ALOXE3: variants seen among roughly 807,000 people sequenced by gnomAD.
ALOXE3 encodes the protein arachidonate epidermal lipoxygenase 3, also known as hydroperoxide isomerase ALOXE3.
ALOXE3 carries 78 observed loss-of-function variants against 87.5 expected under a neutral mutation model. That is an observed-to-expected ratio of 0.89 (90% CI 0.74 to 1.08). The LOEUF is 1.08. Among genes scored for constraint, ALOXE3 ranks in the 50% least tolerant of loss-of-function variants. ALOXE3 has a pLI of 0.00. For missense variants in ALOXE3, 946 were observed against 912.4 expected, an observed-to-expected ratio of 1.04 and a Z score of -0.47; for synonymous variants, 363 against 370.8, an observed-to-expected ratio of 0.98 and a Z score of 0.24.
intron 4 of ALOXE3, 152 bp from the exon 5 acceptor site, chr17:8,115,209 G>A: frequency 1.8e-6 from 2 of 1,106,798 alleles, no homozygotes; most frequent in Non-Finnish European, 2.7e-6. Context: ...GAAAGCACTG[G>A]CTTCACATAG....
intron 6 of ALOXE3, 149 bp from the exon 7 acceptor site, chr17:8,112,345 CGGTG>C (rs1471056521): frequency 7.6e-6 from 5 of 655,612 alleles, no homozygotes; most frequent in African/African-American, 7.1e-5. Context: ...GTCTAGTACC[CGGTG>C]GAGGCTCTGT....
chr17:8,109,908 G>T lies in ALOXE3; in HGVS notation c.1392+8C>A. 1 of 1,548,978 alleles carries T rather than the reference G, an allele frequency of 6.5e-7. No individual in the cohort carries two copies. ...GCGGAGATCAGTGACCCGGCAGGGA[G>T]GCCGCACCTGGTCCACGAGGCCCTC... On this transcript the variant is annotated splice_region_variant and intron_variant, in intron 11 of 15. Transcript: ENST00000448843.
At chr17:8,112,579 C>T (rs560147649) in intron 6 of ALOXE3, among the ~76,000 whole-genome samples, 1 of 152,282 alleles carries the variant, frequency 6.6e-6, no homozygotes, top group East Asian at 1.9e-4. Context: ...CCATGGAGAT[C>T]CCCACCAGCC....
At chr17:8,103,514 G>T in intron 14 of ALOXE3, 21 bp from the exon 15 acceptor site, 2 of 1,613,160 alleles carry the variant, frequency 1.2e-6, no homozygotes, top group Non-Finnish European at 1.7e-6. Flanking sequence ...CCCCATCCCA[G>T]TTGGGTCAGT....
chr17:8,112,711 G>A (rs1206670036), intron 6 of ALOXE3, among the ~76,000 whole-genome samples: 1 of 152,176 alleles, frequency 6.6e-6, no homozygotes, highest in Non-Finnish European at 1.5e-5. Flanking sequence ...AAGAGGGGCT[G>A]GCACGTGGAG....
intron 6 of ALOXE3, among the ~76,000 whole-genome samples, chr17:8,113,049 A>C (rs1598213870): frequency 6.6e-6 from 1 of 152,118 alleles, no homozygotes; most frequent in South Asian, 2.1e-4. Flanking sequence ...CCAGGTCTTC[A>C]TTTAATCTTC....
chr17:8,107,899 A>AG lies in ALOXE3; in HGVS notation c.1684+568_1684+569insC. Reference sequence around the variant, plus strand: ...AAAGAAAGAAAGAAAGAAAGAAAGAAAGAAAGAAAGAAAGAAAGAAAGAAA... The same window carrying AG: ...AAAGAAAGAAAGAAAGAAAGAAAGAAGAGAAAGAAAGAAAGAAAGAAAGAAA... On this transcript the variant is annotated intron_variant, in intron 13 of 15. Transcript: ENST00000448843. Among the ~76,000 whole-genome samples, 2 of 6,428 alleles carry AG rather than the reference A, an allele frequency of 3.1e-4. 1 individual carries two copies. The highest frequency in any genetic ancestry group is 6.4e-3 in the South Asian group (2 of 314). 4.2% of individuals were successfully genotyped at this position (6,428 alleles called of 152,430 possible). A position where few individuals can be genotyped will look rare whatever the true frequency, so the allele number is the denominator to read the frequency against.
intron 15 of ALOXE3, among the ~76,000 whole-genome samples, chr17:8,097,216 A>G (rs1170103827): frequency 6.6e-6 from 1 of 152,028 alleles, no homozygotes; most frequent in Non-Finnish European, 1.5e-5. Flanking sequence ...TGCAGCCTCA[A>G]ACTCCTGGGC....
chr17:8,103,007 G>A (rs1008709993), intron 15 of ALOXE3, among the ~76,000 whole-genome samples: 5 of 152,192 alleles, frequency 3.3e-5, no homozygotes, highest in Admixed American at 6.5e-5. Context: ...AGCGTTATAG[G>A]CCTGGTGCCC....
At chr17:8,099,934 G>A (rs888617949) in intron 15 of ALOXE3, among the ~76,000 whole-genome samples, 1 of 151,944 alleles carries the variant, frequency 6.6e-6, no homozygotes, top group Admixed American at 6.6e-5. Flanking sequence ...GCCAGGCGTG[G>A]TGATGCCTGT....
Position 8,116,742 on chromosome 17 carries a change from C to G in ALOXE3, c.352+34G>C, listed in dbSNP as rs190469783. The stretch of plus-strand genomic sequence containing the variant: ...CACTCCTAATCCCAAAGGACACCTT[C>G]TGCAGTACAGTGTAGTCCTCGTCTC... On this transcript the variant is annotated intron_variant, in intron 3 of 15. Coordinates refer to ENST00000448843, the MANE Select transcript of ALOXE3 (RefSeq NM_021628.3). 1.6e-4 allele frequency: 257 copies of G among 1,605,880 alleles called. 1 individual carries two copies. In the African/African-American group the frequency reaches 3.1e-3, roughly 20 times the overall value.
chr17:8,102,516 G>A (rs1978989869), intron 15 of ALOXE3, among the ~76,000 whole-genome samples: 1 of 152,110 alleles, frequency 6.6e-6, no homozygotes, highest in African/African-American at 2.4e-5. Flanking sequence ...AGCCTTGATT[G>A]GCTACCCTTT....
rs1340675054 is a variant in ALOXE3 at position 8,117,871 on chromosome 17, T to C, written c.120A>G (p.Arg40=). 1 of 1,611,654 alleles carries C rather than the reference T, an allele frequency of 6.2e-7. No homozygotes were observed. Among genetic ancestry groups the C allele is most frequent in the Admixed American group, 1.7e-5 (1 of 59,876 alleles). ...CGESPKQRLD[R]MGRDFAPGSV... is the part of the protein sequence containing the mutation. ...ATCCAGGGGCGAAGTCCCTGCCCAT[T>C]CGATCTAGCCGCTGCTTGGGGCTTT... Residue 40 remains arginine (R), a synonymous_variant, in exon 2 of 16, where the codon CGA becomes CGG. Coordinates refer to ENST00000448843, the MANE Select transcript of ALOXE3 (RefSeq NM_021628.3).
chr17:8,118,561 G>C (rs945044338), upstream of ALOXE3: 27 of 1,527,042 alleles, frequency 1.8e-5, no homozygotes, highest in Middle Eastern at 1.7e-4. Context: ...AATCACACGT[G>C]ACTGCAGCCA....
upstream of ALOXE3, chr17:8,118,821 C>A (rs57161379): frequency 0.025 from 38,809 of 1,536,736 alleles, 2,620 homozygotes; most frequent in East Asian, 0.24. Flanking sequence ...GGATCCTGGG[C>A]GGGAGCCCAG....
chr17:8,109,161 CCGCACCT>C lies in ALOXE3; in HGVS notation c.1562+6_1562+12del. The C allele has an allele frequency of 1.2e-6, 2 of 1,612,368 alleles. No homozygotes were observed. Among genetic ancestry groups the C allele is most frequent in the Admixed American group, 3.3e-5 (2 of 60,024 alleles). Reference sequence around the variant, plus strand: ...CCCTGGTGGGACTGCTGGTCCCGCCCCGCACCTCGCACCTCTCAATGGCCGCCCAGAT... The same window carrying C: ...CCCTGGTGGGACTGCTGGTCCCGCCCCGCACCTCTCAATGGCCGCCCAGAT... On this transcript the variant is annotated splice_donor_region_variant and intron_variant, in intron 12 of 15. Transcript: ENST00000448843.
At position 8,114,722 on chromosome 17, in the gene ALOXE3, G is replaced by A. The variant is rs192965037; in HGVS notation, c.555-113C>T. ...AAGTCCCTGGGTCTCTCTTACTCCC[G>A]GCTCCTCCCCTGCCCTCTCTGCTCC... is the stretch of plus-strand genomic sequence containing the variant. On this transcript the variant is annotated intron_variant, in intron 5 of 15. Transcript: ENST00000448843. 140 of 1,528,742 alleles carry A rather than the reference G, an allele frequency of 9.2e-5. 1 individual carries two copies. The highest frequency in any genetic ancestry group is 3.3e-4 in the Admixed American group (19 of 57,294). 94.7% of individuals were successfully genotyped at this position (1,528,742 alleles called of 1,614,324 possible).
chr17:8,110,042 C>A, intron 10 of ALOXE3, 40 bp from the exon 11 acceptor site: 1 of 1,575,026 alleles, frequency 6.3e-7, no homozygotes, highest in Non-Finnish European at 8.6e-7. Context: ...AGGCCGGGGA[C>A]AAGGCCGCCC....
chr17:8,101,048 A>C (rs894461946), intron 15 of ALOXE3, among the ~76,000 whole-genome samples: 1 of 140,796 alleles, frequency 7.1e-6, no homozygotes, highest in African/African-American at 2.7e-5. Flanking sequence ...TTTTTTTGAG[A>C]TGGAACTTCA....
Sources: gnomAD v4.1 joint callset for allele counts (sites outside exome capture counted in the v4.1 genomes callset) on GRCh38, gnomAD v4.1.1 for gene constraint, MANE v1.5 for transcripts, NCBI Gene and HGNC (gene_info 2026-07-23, HGNC 2026-07-21) for gene names.